USP46: variants seen among roughly 807,000 people sequenced by gnomAD.
USP46 encodes the protein ubiquitin specific peptidase 46, also known as ubiquitin carboxyl-terminal hydrolase 46.
A neutral mutation model predicts 44.4 loss-of-function variants in USP46; 12 were observed. The observed-to-expected ratio is 0.27, with a 90% confidence interval of 0.17 to 0.44. The LOEUF (loss-of-function observed/expected upper bound fraction) is 0.44, where lower values mean the gene tolerates loss of function less well. Ranked by LOEUF, USP46 falls within the 20% of genes least tolerant of loss-of-function variation. The probability of loss-of-function intolerance (pLI) is 1.00; values close to 1 mark genes in which losing one functional copy is unlikely to be tolerated. For missense variants in USP46, 248 were observed against 444.8 expected, an observed-to-expected ratio of 0.56 and a Z score of 3.98; for synonymous variants, 155 against 161.5, an observed-to-expected ratio of 0.96 and a Z score of 0.31.
Position 52,659,119 on chromosome 4 carries a change from T to C in USP46, c.32A>G (p.Asn11Ser). Reference sequence around the variant, plus strand: ...CGAGGCGGCTCGGCCACTCACCATATTACAGATGGAGGCGATGTTTCGGAC... The same window carrying C: ...CGAGGCGGCTCGGCCACTCACCATACTACAGATGGAGGCGATGTTTCGGAC... MTVRNIASIC[N>S]MGTNASALEK... Residue 11 changes from asparagine (N) to serine (S), a missense_variant, in exon 1 of 9, where the codon AAT (asparagine) becomes AGT (serine). Asn to Ser is a conservative substitution (Grantham distance 46). Transcript: ENST00000441222. This position sits in a 1 kb window ranked among gnomAD's most constrained non-coding sequence, Gnocchi z 4.2. 2 of 1,566,866 alleles carry C rather than the reference T, an allele frequency of 1.3e-6. No individual in the cohort carries two copies. Among genetic ancestry groups the C allele is most frequent in the African/African-American group, 1.4e-5 (1 of 71,460 alleles).
At chr4:52,632,879 AAAGGAAGG>A (rs757023053) in intron 1 of USP46, among the ~76,000 whole-genome samples, 1 of 146,306 alleles carries the variant, frequency 6.8e-6, no homozygotes, top group East Asian at 2.0e-4. Context: ...CAGAGAAAGA[AAAGGAAGG>A]AAGGAAGGAA....
intron 1 of USP46, among the ~76,000 whole-genome samples, chr4:52,646,520 G>T (rs983913053): frequency 3.3e-5 from 5 of 152,056 alleles, no homozygotes; most frequent in African/African-American, 1.2e-4. Flanking sequence ...TAAAAACATG[G>T]AGATAAAATG....
Position 52,628,131 on chromosome 4 carries a change from A to C in USP46, c.150T>G (p.Leu50=). 2 of 1,613,946 alleles carry C rather than the reference A, an allele frequency of 1.2e-6. No homozygotes were observed. Among genetic ancestry groups the C allele is most frequent in the South Asian group, 2.2e-5 (2 of 91,086 alleles). Residue 50 remains leucine, a synonymous_variant, in exon 3 of 9, where the codon CTT becomes CTG. Coordinates refer to ENST00000441222, the MANE Select transcript of USP46 (RefSeq NM_022832.4). Reference sequence around the variant, plus strand: ...ATGGACGGCAGAAGTACAATGCCTGAAGCACGGAGTTACAGTAGCATGTGT... The same window carrying C: ...ATGGACGGCAGAAGTACAATGCCTGCAGCACGGAGTTACAGTAGCATGTGT... ...FGNTCYCNSV[L]QALYFCRPFR... is the part of the protein sequence containing the mutation.
At chr4:52,621,585 C>T (rs780617511) in intron 4 of USP46, among the ~76,000 whole-genome samples, 4 of 151,736 alleles carry the variant, frequency 2.6e-5, no homozygotes, top group Admixed American at 1.3e-4. Flanking sequence ...GAACCTGGGA[C>T]GCAGAGGTTG....
intron 4 of USP46, among the ~76,000 whole-genome samples, chr4:52,612,359 CAT>C (rs1716967578): frequency 6.6e-6 from 1 of 152,170 alleles, no homozygotes; most frequent in Admixed American, 6.5e-5. Context: ...TGGTAGAATG[CAT>C]TAGTAGCCCC....
chr4:52,604,811 C>T (rs961676016), intron 5 of USP46, among the ~76,000 whole-genome samples: 2 of 151,978 alleles, frequency 1.3e-5, no homozygotes, highest in Non-Finnish European at 2.9e-5. Flanking sequence ...CTCTTTTCAT[C>T]GAATCATGAA....
Position 52,592,677 on chromosome 4 carries a change from G to C in USP46, c.*4963C>G. On this transcript the variant is annotated 3_prime_UTR_variant, in exon 9 of 9. Transcript: ENST00000441222. ...AATATGAGAAAACTTTGTATCTACT[G>C]AAAATACAAAAATTACCCGGGTATA... 1 of 382,402 alleles carries C rather than the reference G, an allele frequency of 2.6e-6. No homozygotes were observed. Among genetic ancestry groups the C allele is most frequent in the Non-Finnish European group, 4.6e-6 (1 of 216,514 alleles). The allele number at this position is 382,402 out of a possible 1,614,324, so 23.7% of individuals were successfully genotyped here.
chr4:52,610,098 G>T (rs1381519980), intron 5 of USP46, among the ~76,000 whole-genome samples: 1 of 149,274 alleles, frequency 6.7e-6, no homozygotes, highest in Non-Finnish European at 1.5e-5. Flanking sequence ...GCTAATTTTT[G>T]TATTTTTAGT....
rs58983073 is a variant in USP46, at chr4:52,632,918, GAGAAAGAAAGAAAGAAAGAAAGAAAGAA to G, written c.37-1802_37-1775del. On this transcript the variant is annotated intron_variant, in intron 1 of 8. Transcript: ENST00000441222. ...AGGAAGGGAAAGAGAAAGAAAGAAA[GAGAAAGAAAGAAAGAAAGAAAGAAAGAA>G]AGAAAGAAAGAAAGAAAGAAAGAAA... is the stretch of plus-strand genomic sequence containing the variant. 3.0e-3 allele frequency among the ~76,000 whole-genome samples: 106 copies of G among 35,198 alleles called. 1 individual carries two copies. The Middle Eastern group carries it at 0.042, about 14-fold the overall frequency. The allele number at this position is 35,198 out of a possible 152,430, so 23.1% of individuals were successfully genotyped here.
intron 4 of USP46, among the ~76,000 whole-genome samples, chr4:52,623,460 T>C (rs1717454960): frequency 6.6e-6 from 1 of 152,046 alleles, no homozygotes; most frequent in Non-Finnish European, 1.5e-5. Flanking sequence ...GCTCTAACTG[T>C]TGGAAAAGTG....
chr4:52,649,956 T>C (rs1158597409), intron 1 of USP46, among the ~76,000 whole-genome samples: 1 of 152,080 alleles, frequency 6.6e-6, no homozygotes, highest in Non-Finnish European at 1.5e-5. Flanking sequence ...TATATCTACA[T>C]ACTGTCAGAA....
At chr4:52,624,395 G>A (rs761990201) in intron 4 of USP46, among the ~76,000 whole-genome samples, 3 of 152,084 alleles carry the variant, frequency 2.0e-5, no homozygotes, top group Non-Finnish European at 2.9e-5. Flanking sequence ...TTATCTCTGG[G>A]CTAATGTGAT....
intron 1 of USP46, among the ~76,000 whole-genome samples, chr4:52,638,779 G>A (rs114395758): frequency 0.015 from 2,268 of 152,024 alleles, 30 homozygotes; most frequent in Non-Finnish European, 0.022. Context: ...CTGATGGCTG[G>A]ATGAATGCAT....
chr4:52,606,359 G>C (rs148769671), intron 5 of USP46, among the ~76,000 whole-genome samples: 1 of 152,100 alleles, frequency 6.6e-6, no homozygotes, highest in Non-Finnish European at 1.5e-5. Flanking sequence ...CCTGAGACTG[G>C]GTAATTTATA....
rs763438971 is a variant in USP46, at chr4:52,611,424, C to A, written c.562-807G>T. Among the ~76,000 whole-genome samples, 11 of 152,338 alleles carry A rather than the reference C, an allele frequency of 7.2e-5. 1 individual carries two copies. The highest frequency in any genetic ancestry group is 5.9e-5 in the Non-Finnish European group (4 of 68,028). The stretch of plus-strand genomic sequence containing the variant: ...AACCCTGGGGTTTTACTGTCTTGTT[C>A]CCGGAGTAGCAGGAACAGCTGGCAA... On this transcript the variant is annotated intron_variant, in intron 4 of 8. Transcript: ENST00000441222.
At chr4:52,598,275 A>C (rs561858065) in intron 8 of USP46, among the ~76,000 whole-genome samples, 4 of 152,314 alleles carry the variant, frequency 2.6e-5, no homozygotes, top group African/African-American at 9.6e-5. Context: ...AATTTGTTAT[A>C]ATAATTTTAA....
intron 1 of USP46, among the ~76,000 whole-genome samples, chr4:52,654,174 T>C (rs1718871033): frequency 6.6e-6 from 1 of 152,222 alleles, no homozygotes; most frequent in Non-Finnish European, 1.5e-5. Context: ...GAATTTCTTT[T>C]CTTTAAACAT....
rs1716177999 is a variant in USP46, at chr4:52,595,198, C to G, written c.*2442G>C. On this transcript the variant is annotated 3_prime_UTR_variant, in exon 9 of 9. Transcript: ENST00000441222. ...TATCGCTGACCTCAGAATGGTCTCACATCTCCCACACCATTTCCTGCTTTA... is the reference window on the plus strand; with the variant it reads ...TATCGCTGACCTCAGAATGGTCTCAGATCTCCCACACCATTTCCTGCTTTA... 6.6e-6 allele frequency: 1 copy of G among 152,646 alleles called. No individual in the cohort carries two copies. Among genetic ancestry groups the G allele is most frequent in the Non-Finnish European group, 1.5e-5 (1 of 68,044 alleles). 9.5% of individuals were successfully genotyped at this position (152,646 alleles called of 1,614,324 possible). A position where few individuals can be genotyped will look rare whatever the true frequency, so the allele number is the denominator to read the frequency against.
intron 1 of USP46, among the ~76,000 whole-genome samples, chr4:52,645,117 C>T (rs889034339): frequency 1.2e-4 from 17 of 146,864 alleles, no homozygotes; most frequent in African/African-American, 3.6e-4. Flanking sequence ...CCCATGTACT[C>T]GGGAGGCTGA....
Sources: allele counts gnomAD v4.1 joint callset (sites outside exome capture counted in the v4.1 genomes callset), GRCh38; gene constraint gnomAD v4.1.1; non-coding constraint Gnocchi (gnomAD v3.1); transcripts MANE v1.5; gene names NCBI Gene and HGNC (gene_info 2026-07-23, HGNC 2026-07-21).